Variants in GRK1 observed in about 807,000 individuals in gnomAD.
GRK1 encodes G protein-coupled receptor kinase 1.
In GRK1, 28 loss-of-function variants were observed where a neutral mutation model predicts 41.7. The observed-to-expected ratio is 0.67, with a 90% CI of 0.50 to 0.92. The LOEUF (loss-of-function observed/expected upper bound fraction) is 0.92, where lower values mean the gene tolerates loss of function less well. GRK1 is among the 40% of genes least tolerant of loss of function. GRK1 has a pLI of 0.00. For missense variants in GRK1, 703 were observed against 671.2 expected, an observed-to-expected ratio of 1.05 and a Z score of -0.52; for synonymous variants, 327 against 286.7, an observed-to-expected ratio of 1.14 and a Z score of -1.42.
In GRK1 at chr13:113,735,219, C is replaced by T; in HGVS notation, c.1548C>T (p.Ile516=). 6.5e-7 allele frequency: 1 copy of T among 1,537,218 alleles called. No homozygotes were observed. The highest frequency in any genetic ancestry group is 8.7e-7 in the Non-Finnish European group (1 of 1,146,914). Residue 516 remains isoleucine (I), a synonymous_variant, in exon 7 of 7, where the codon ATC becomes ATT. Coordinates refer to ENST00000335678, the MANE Select transcript of GRK1 (RefSeq NM_002929.3). ...FQEFATGNCP[I]PWQEEMIETG... ...AATTTGCCACTGGCAACTGCCCCAT[C>T]CCCTGGCAGGAGGAGATGATCGAGA...
intron 3 of GRK1, among the ~76,000 whole-genome samples, chr13:113,672,313 G>A (rs1000961949): frequency 2.6e-5 from 4 of 151,128 alleles, no homozygotes; most frequent in East Asian, 1.9e-4. Context: ...CTGGGGCCTC[G>A]TGGTCACTTG....
chr13:113,728,834 CG>C, intron 4 of GRK1, among the ~76,000 whole-genome samples: 1 of 152,190 alleles, frequency 6.6e-6, no homozygotes, highest in East Asian at 1.9e-4. Context: ...GCGGAAGGGC[CG>C]GGGAGGGCAC....
rs772123699 is a variant in GRK1 at position 113,667,989 on chromosome 13, C to T, written c.603C>T (p.Phe201=). The part of the protein sequence containing the change: ...LDFRVLGKGG[F]GEVSACQMKA... ...TCAGGGTCCTAGGGAAAGGGGGCTT[C>T]GGGGAGGTGTCGGCCTGCCAGATGA... The change falls in exon 1 of 7, where the codon TTC becomes TTT. Residue 201 remains phenylalanine, a synonymous_variant. Transcript: ENST00000335678. This position sits in a 1 kb window ranked among gnomAD's most constrained non-coding sequence, Gnocchi z 7.5. The T allele has an allele frequency of 1.1e-5, 17 of 1,611,022 alleles. No homozygotes were observed. Among genetic ancestry groups the T allele is most frequent in the Middle Eastern group, 1.6e-4 (1 of 6,070 alleles).
At chr13:113,730,599 CCA>C (rs1293799254) in intron 4 of GRK1, among the ~76,000 whole-genome samples, 1 of 152,246 alleles carries the variant, frequency 6.6e-6, no homozygotes, top group Non-Finnish European at 1.5e-5. Context: ...GTGGCTGCGC[CCA>C]GAGCCGTCCC....
chr13:113,652,938 C>T, the GRK1 span: 2 of 1,614,096 alleles, frequency 1.2e-6, no homozygotes, highest in African/African-American at 2.7e-5. Flanking sequence ...TCCGCCAGGC[C>T]TGAGCAGTTC....
the GRK1 span, chr13:113,654,753 A>T: frequency 8.1e-5 from 127 of 1,574,464 alleles, no homozygotes; most frequent in Non-Finnish European, 8.8e-5. Context: ...GCGTCTCCAG[A>T]GCCGAGGAGG....
At chr13:113,651,706 T>C in the GRK1 span, 1 of 1,613,858 alleles carries the variant, frequency 6.2e-7, no homozygotes, top group South Asian at 1.1e-5. Context: ...GCCGAGCCGT[T>C]GCTGGGGAGG....
chr13:113,666,520 T>C (rs1203331289), upstream of GRK1, among the ~76,000 whole-genome samples: 1 of 150,784 alleles, frequency 6.6e-6, no homozygotes, highest in Non-Finnish European at 1.5e-5. Flanking sequence ...CCCCAGGTGT[T>C]TCTCAGGTGG....
chr13:113,656,068 G>A, the GRK1 span, among the ~76,000 whole-genome samples: 1 of 152,262 alleles, frequency 6.6e-6, no homozygotes, highest in Admixed American at 6.5e-5. Flanking sequence ...CGGCGTTCTT[G>A]TGTGGCCACA....
At position 113,667,754 on chromosome 13, in the gene GRK1, G is replaced by A. The variant is rs370160675; in HGVS notation, c.368G>A (p.Cys123Tyr). The change falls in exon 1 of 7, where the codon TGC becomes TAC. Residue 123 changes from cysteine to tyrosine, a missense_variant. Coordinates refer to ENST00000335678, the MANE Select transcript of GRK1 (RefSeq NM_002929.3). This position sits in a 1 kb window ranked among gnomAD's most constrained non-coding sequence, Gnocchi z 7.5. ...QYLDPQAKLF[C>Y]SFLDEGIVAK... is the part of the protein sequence containing the mutation. ...CTGGACCCCCAGGCCAAACTCTTCT[G>A]CAGCTTCCTGGATGAGGGGATAGTG... 49 of 1,613,530 alleles carry A rather than the reference G, an allele frequency of 3.0e-5. No homozygotes were observed. Among genetic ancestry groups the A allele is most frequent in the Non-Finnish European group, 3.7e-5 (44 of 1,179,638 alleles).
At chr13:113,659,235 C>T in the GRK1 span, among the ~76,000 whole-genome samples, 9 of 152,364 alleles carry the variant, frequency 5.9e-5, no homozygotes, top group South Asian at 1.9e-3. Context: ...TCCTGGATGG[C>T]AGATGCCATT....
rs934709895 is a variant in GRK1, at chr13:113,731,995, G to A, written c.1194+652G>A. On this transcript the variant is annotated intron_variant, in intron 5 of 6. Transcript: ENST00000335678. This position sits in a 1 kb window ranked among gnomAD's most constrained non-coding sequence, Gnocchi z 5.6. ...CCCTGAGTGCCCCCTGGGCTGCCCC[G>A]GATCCTAGGCCACCAGAACTGCAAA... Among the ~76,000 whole-genome samples the A allele has an allele frequency of 2.0e-5, 3 of 152,194 alleles. No homozygotes were observed. Among genetic ancestry groups the A allele is most frequent in the Non-Finnish European group, 4.4e-5 (3 of 68,030 alleles).
the GRK1 span, among the ~76,000 whole-genome samples, chr13:113,657,436 C>T: frequency 1.3e-5 from 2 of 152,230 alleles, no homozygotes; most frequent in Non-Finnish European, 2.9e-5. Context: ...CCTGTGTGGC[C>T]TTGGAGGCCC....
At chr13:113,672,259 GTGAT>G (rs1363301439) in intron 3 of GRK1, among the ~76,000 whole-genome samples, 25 of 151,202 alleles carry the variant, frequency 1.7e-4, no homozygotes, top group African/African-American at 5.6e-4. Context: ...TGTGTGGTGT[GTGAT>G]TGTGTGGTGT....
At chr13:113,732,203 C>T (rs981601898) in intron 5 of GRK1, among the ~76,000 whole-genome samples, 1 of 152,238 alleles carries the variant, frequency 6.6e-6, no homozygotes, top group Non-Finnish European at 1.5e-5. Flanking sequence ...TGAGGTGCGG[C>T]TCTTCCCTGG....
At chr13:113,649,658 G>T in the GRK1 span, 1 of 1,139,340 alleles carries the variant, frequency 8.8e-7, no homozygotes, top group African/African-American at 1.6e-5. This position sits in a 1 kb window ranked among gnomAD's most constrained non-coding sequence, Gnocchi z 4.7. Context: ...GTGTAAGACT[G>T]GCCCTGACCG....
intron 5 of GRK1, 75 bp from the exon 6 acceptor site, chr13:113,732,809 G>C: frequency 6.8e-7 from 1 of 1,477,264 alleles, no homozygotes; most frequent in Non-Finnish European, 9.1e-7. Flanking sequence ...GGCTCTTGTG[G>C]GAGGAGCTGT....
the GRK1 span, chr13:113,652,589 G>T: frequency 4.1e-6 from 2 of 489,758 alleles, no homozygotes; most frequent in South Asian, 2.0e-5. Context: ...ATCTCTGGCT[G>T]CCCTGAAGGG....
chr13:113,734,519 G>T (rs1346808825), intron 6 of GRK1: 1 of 152,404 alleles, frequency 6.6e-6, no homozygotes, highest in East Asian at 1.9e-4. Context: ...GGGCCAGCAT[G>T]GGCCAGCCGG....
Sources: allele counts gnomAD v4.1 joint callset (sites outside exome capture counted in the v4.1 genomes callset), GRCh38; gene constraint gnomAD v4.1.1; non-coding constraint Gnocchi (gnomAD v3.1); transcripts MANE v1.5; gene names NCBI Gene and HGNC (gene_info 2026-07-23, HGNC 2026-07-21).